CREB3L4: variants seen among roughly 807,000 people sequenced by gnomAD.
The protein encoded by CREB3L4 is cAMP responsive element binding protein 3 like 4, also known as cyclic AMP-responsive element-binding protein 3-like protein 4.
A neutral mutation model predicts 37.0 loss-of-function variants in CREB3L4; 28 were observed. That is an observed-to-expected ratio of 0.76 (90% confidence interval 0.56 to 1.04). The LOEUF (loss-of-function observed/expected upper bound fraction) is 1.04, where lower values mean the gene tolerates loss of function less well. Ranked by LOEUF, CREB3L4 falls within the 50% of genes least tolerant of loss-of-function variation. The pLI, the probability that CREB3L4 is intolerant of heterozygous loss-of-function variation, is 0.00. For missense variants in CREB3L4, 462 were observed against 486.0 expected, an observed-to-expected ratio of 0.95 and a Z score of 0.46; for synonymous variants, 175 against 192.2, an observed-to-expected ratio of 0.91 and a Z score of 0.74.
rs758421746 is a variant in CREB3L4, at chr1:153,968,683, G to A, written c.158G>A (p.Gly53Asp). Residue 53 changes from glycine to aspartate, a missense_variant, in exon 2 of 10, where the codon GGT becomes GAT. By Grantham distance (94) the Gly-to-Asp change is moderately conservative (BLOSUM62 -1). Transcript: ENST00000368607. Reference sequence around the variant, plus strand: ...CAGGGACTGCAAGGCTGGAAGTCCGGTGGGGACCGTGGCTGTGTGAGTGTG... The same window carrying A: ...CAGGGACTGCAAGGCTGGAAGTCCGATGGGGACCGTGGCTGTGTGAGTGTG... ...QEQGLQGWKS[G>D]GDRGCGLQES... 6.2e-7 allele frequency: 1 copy of A among 1,613,830 alleles called. No individual in the cohort carries two copies. The highest frequency in any genetic ancestry group is 1.7e-5 in the Admixed American group (1 of 60,002).
chr1:153,968,634 G>T lies in CREB3L4; in HGVS notation c.109G>T (p.Val37Phe), dbSNP rs1229564403. Residue 37 changes from valine to phenylalanine, a missense_variant, in exon 2 of 10, where the codon GTT becomes TTT. By Grantham distance (50) the Val-to-Phe change is conservative (BLOSUM62 -1). Transcript: ENST00000368607. The part of the protein sequence containing the change: ...ELGLHCPPPE[V>F]PVTRLQEQGL... ...GGGACTCCACTGCCCCCCTCCAGAG[G>T]TTCCGGTAACTAGGCTACAGGAACA... 1.2e-6 allele frequency: 2 copies of T among 1,613,904 alleles called. No homozygotes were observed. The highest frequency in any genetic ancestry group is 1.7e-6 in the Non-Finnish European group (2 of 1,180,026).
chr1:153,968,638 C>T lies in CREB3L4; in HGVS notation c.113C>T (p.Pro38Leu), dbSNP rs1648016845. Residue 38 changes from proline (P) to leucine (L), a missense_variant, in exon 2 of 10, where the codon CCG becomes CTG. Physicochemically the swap from Pro to Leu is moderately conservative, Grantham distance 98. Coordinates refer to ENST00000368607, the MANE Select transcript of CREB3L4 (RefSeq NM_001255978.2). ...CTCCACTGCCCCCCTCCAGAGGTTC[C>T]GGTAACTAGGCTACAGGAACAGGGA... is the stretch of plus-strand genomic sequence containing the variant. Reference protein sequence around the residue: ...LGLHCPPPEVPVTRLQEQGLQ... With the variant: ...LGLHCPPPEVLVTRLQEQGLQ... 3 of 1,613,832 alleles carry T rather than the reference C, an allele frequency of 1.9e-6. No homozygotes were observed. The highest frequency in any genetic ancestry group is 2.5e-6 in the Non-Finnish European group (3 of 1,180,000).
chr1:153,969,368 C>G lies in CREB3L4; in HGVS notation c.456C>G (p.Ser152=), dbSNP rs1648117032. 1 of 1,614,088 alleles carries G rather than the reference C, an allele frequency of 6.2e-7. No individual in the cohort carries two copies. Among genetic ancestry groups the G allele is most frequent in the Non-Finnish European group, 8.5e-7 (1 of 1,180,032 alleles). ...GCCCAGCATTTATGGTGCCTGATTC[C>G]TGCATGGTCAGTGAGCTGCCCTTTG... ...QWSPAFMVPD[S]CMVSELPFDA... Residue 152 remains serine (S), a synonymous_variant, in exon 4 of 10, where the codon TCC becomes TCG. Transcript: ENST00000368607.
intron 7 of CREB3L4, 38 bp downstream of exon 7, chr1:153,973,301 G>C (rs749109004): frequency 1.7e-5 from 27 of 1,611,506 alleles, no homozygotes; most frequent in Non-Finnish European, 2.3e-5. Flanking sequence ...GTGTTTTGAA[G>C]GCAGGTACAG....
At chr1:153,970,048 C>T (rs560051349) in intron 4 of CREB3L4, among the ~76,000 whole-genome samples, 6 of 151,890 alleles carry the variant, frequency 4.0e-5, no homozygotes, top group African/African-American at 1.4e-4. Flanking sequence ...CCTGCCTCAG[C>T]CTCCCAAGTA....
In CREB3L4 at chr1:153,969,361, C is replaced by T; in HGVS notation, c.449C>T (p.Pro150Leu). 6.2e-7 allele frequency: 1 copy of T among 1,614,234 alleles called. No individual in the cohort carries two copies. Among genetic ancestry groups the T allele is most frequent in the South Asian group, 1.1e-5 (1 of 91,084 alleles). The change falls in exon 4 of 10, where the codon CCT (proline) becomes CTT (leucine). Residue 150 changes from proline to leucine, a missense_variant. Pro to Leu is a moderately conservative substitution (Grantham distance 98). Transcript: ENST00000368607. Reference sequence around the variant, plus strand: ...CAGTGGAGCCCAGCATTTATGGTGCCTGATTCCTGCATGGTCAGTGAGCTG... The same window carrying T: ...CAGTGGAGCCCAGCATTTATGGTGCTTGATTCCTGCATGGTCAGTGAGCTG... ...LDQWSPAFMV[P>L]DSCMVSELPF...
intron 6 of CREB3L4, 57 bp downstream of exon 6, chr1:153,973,135 A>G (rs914667642): frequency 6.2e-7 from 1 of 1,607,650 alleles, no homozygotes; most frequent in African/African-American, 1.3e-5. Flanking sequence ...CTTCCTCACC[A>G]TGGGAGGCAA....
rs1466633717 is a variant in CREB3L4, at chr1:153,969,021, GTGGCA to G, written c.268_272del (p.Gly90LeufsTer2). ...TCAGAAGCATCTCCTGGCAGTGACA[GTGGCA>G]TCTCTGAGGACCCCTGCCATCCAGA... On this transcript the variant is annotated frameshift_variant, in exon 3 of 10. Transcript: ENST00000368607. LOFTEE classifies it high-confidence loss of function. 3 of 1,614,106 alleles carry G rather than the reference GTGGCA, an allele frequency of 1.9e-6. No homozygotes were observed. The African/African-American group carries it at 4.0e-5, about 22-fold the overall frequency.
chr1:153,969,389 C>T lies in CREB3L4; in HGVS notation c.477C>T (p.Pro159=). 1 of 1,614,174 alleles carries T rather than the reference C, an allele frequency of 6.2e-7. No individual in the cohort carries two copies. The highest frequency in any genetic ancestry group is 8.5e-7 in the Non-Finnish European group (1 of 1,180,000). The part of the protein sequence containing the change: ...VPDSCMVSEL[P]FDAHAHILPR... Reference sequence around the variant, plus strand: ...ATTCCTGCATGGTCAGTGAGCTGCCCTTTGATGCTCATGCCCACATCCTGC... The same window carrying T: ...ATTCCTGCATGGTCAGTGAGCTGCCTTTTGATGCTCATGCCCACATCCTGC... The change falls in exon 4 of 10, where the codon CCC becomes CCT. Residue 159 remains proline, a synonymous_variant. Coordinates refer to ENST00000368607, the MANE Select transcript of CREB3L4 (RefSeq NM_001255978.2).
At chr1:153,968,797 C>T in intron 2 of CREB3L4, 98 bp downstream of exon 2, 1 of 1,537,974 alleles carries the variant, frequency 6.5e-7, no homozygotes, top group Non-Finnish European at 8.9e-7. Context: ...AACAGACCAC[C>T]CCCAAAATAG....
rs942866391 is a variant in CREB3L4 at position 153,973,869 on chromosome 1, C to T, written c.995-3C>T. The T allele has an allele frequency of 6.2e-7, 1 of 1,613,658 alleles. No homozygotes were observed. Among genetic ancestry groups the T allele is most frequent in the African/African-American group, 1.3e-5 (1 of 74,914 alleles). On this transcript the variant is annotated splice_region_variant and splice_polypyrimidine_tract_variant and intron_variant, in intron 9 of 9. Transcript: ENST00000368607. ...CTACTGCCCTCTTGCCTTCACCTCA[C>T]AGTGACTTCCAGAAATATCCTGACC...
chr1:153,969,421 C>T lies in CREB3L4; in HGVS notation c.509C>T (p.Ala170Val), dbSNP rs1270975699. The part of the protein sequence containing the change: ...FDAHAHILPR[A>V]GTVAPVPCTT... The stretch of plus-strand genomic sequence containing the variant: ...GCTCATGCCCACATCCTGCCCAGAG[C>T]AGGCACCGTAGCCCCAGTGCCCTGT... Residue 170 changes from alanine to valine, a missense_variant, in exon 4 of 10, where the codon GCA becomes GTA. Coordinates refer to ENST00000368607, the MANE Select transcript of CREB3L4 (RefSeq NM_001255978.2). 1 of 1,614,146 alleles carries T rather than the reference C, an allele frequency of 6.2e-7. No individual in the cohort carries two copies. The highest frequency in any genetic ancestry group is 1.1e-5 in the South Asian group (1 of 91,072).
rs369712475 is a variant in CREB3L4 at position 153,968,411 on chromosome 1, G to C, written c.-4-111G>C. 1.1e-5 allele frequency: 10 copies of C among 907,592 alleles called. 1 individual carries two copies. The highest frequency in any genetic ancestry group is 1.1e-4 in the East Asian group (4 of 37,456). The allele number at this position is 907,592 out of a possible 1,614,324, so 56.2% of individuals were successfully genotyped here. On this transcript the variant is annotated intron_variant, in intron 1 of 9. Coordinates refer to ENST00000368607, the MANE Select transcript of CREB3L4 (RefSeq NM_001255978.2). Reference sequence around the variant, plus strand: ...GGGGGCTTGCTAGTGAGGAAGGAGTGGGGGGGCGGGGATAATGGAAAAGGG... The same window carrying C: ...GGGGGCTTGCTAGTGAGGAAGGAGTCGGGGGGCGGGGATAATGGAAAAGGG...
At position 153,968,525 on chromosome 1, in the gene CREB3L4, C is replaced by T. The variant is rs138142252; in HGVS notation, c.-1C>T. The T allele has an allele frequency of 6.5e-5, 105 of 1,612,554 alleles. 1 individual carries two copies. Among genetic ancestry groups the T allele is most frequent in the Non-Finnish European group, 8.0e-5 (94 of 1,179,214 alleles). On this transcript the variant is annotated 5_prime_UTR_variant, in exon 2 of 10. Coordinates refer to ENST00000368607, the MANE Select transcript of CREB3L4 (RefSeq NM_001255978.2). ...CGTCCCACACGCCTTCCTGCAGAAG[C>T]ATGGATCTCGGAATCCCTGACCTGC...
At position 153,972,705 on chromosome 1, in the gene CREB3L4, CCT is replaced by C. The variant is rs754812952; in HGVS notation, c.544-37_544-36del. 5.2e-6 allele frequency: 8 copies of C among 1,550,452 alleles called. No homozygotes were observed. The South Asian group carries it at 9.0e-5, about 17-fold the overall frequency. ...GGTGCTGCAAATGGGATGACCCCCT[CCT>C]CACTCCTATTGCATCTTCTCCTGCC... is the stretch of plus-strand genomic sequence containing the variant. On this transcript the variant is annotated intron_variant, in intron 4 of 9. Transcript: ENST00000368607.
At chr1:153,969,525 A>T in intron 4 of CREB3L4, 70 bp downstream of exon 4, 1 of 1,556,968 alleles carries the variant, frequency 6.4e-7, no homozygotes, top group Non-Finnish European at 8.8e-7. Context: ...GAGCAAAGGG[A>T]TGAGGGAATG....
At chr1:153,968,882 C>T (rs371924090) in intron 2 of CREB3L4, 48 bp from the exon 3 acceptor site, 2 of 1,554,560 alleles carry the variant, frequency 1.3e-6, no homozygotes, top group African/African-American at 2.7e-5. Context: ...TCAGGGAGGA[C>T]TTCCAAAATT....
rs779458233 is a variant in CREB3L4, at chr1:153,969,403, C to T, written c.491C>T (p.Ala164Val). ...MVSELPFDAH[A>V]HILPRAGTVA... is the part of the protein sequence containing the mutation. ...AGTGAGCTGCCCTTTGATGCTCATG[C>T]CCACATCCTGCCCAGAGCAGGCACC... Residue 164 changes from alanine to valine, a missense_variant, in exon 4 of 10, where the codon GCC becomes GTC. Coordinates refer to ENST00000368607, the MANE Select transcript of CREB3L4 (RefSeq NM_001255978.2). 1 of 1,614,128 alleles carries T rather than the reference C, an allele frequency of 6.2e-7. No individual in the cohort carries two copies. Among genetic ancestry groups the T allele is most frequent in the Non-Finnish European group, 8.5e-7 (1 of 1,179,994 alleles).
chr1:153,968,326 G>A, intron 1 of CREB3L4, 162 bp downstream of exon 1: 1 of 556,240 alleles, frequency 1.8e-6, no homozygotes, highest in East Asian at 3.0e-5. Context: ...GCTTGGGGGG[G>A]GCCTCTTTGT....
Sources: gnomAD v4.1 joint callset for allele counts (sites outside exome capture counted in the v4.1 genomes callset) on GRCh38, gnomAD v4.1.1 for gene constraint, MANE v1.5 for transcripts, NCBI Gene and HGNC (gene_info 2026-07-23, HGNC 2026-07-21) for gene names.